Variants in ITGA1 observed in about 807,000 individuals in gnomAD.
ITGA1 encodes integrin alpha-1.
ITGA1 carries 85 observed loss-of-function variants against 145.9 expected under a neutral mutation model. That is an observed-to-expected ratio of 0.58 (90% CI 0.49 to 0.70). The LOEUF is 0.70. ITGA1 is among the 30% of genes least tolerant of loss of function. The pLI, the probability that ITGA1 is intolerant of heterozygous loss-of-function variation, is 0.00. For synonymous variants in ITGA1, 520 were observed against 495.3 expected (o/e 1.05, Z -0.66); for missense variants, 1,351 against 1,418.7 (o/e 0.95, Z 0.77).
chr5:52,925,390 T>A lies in ITGA1; in HGVS notation c.2516T>A (p.Phe839Tyr), dbSNP rs146428445. 65 of 1,613,964 alleles carry A rather than the reference T, an allele frequency of 4.0e-5. No homozygotes were observed. The African/African-American group carries it at 8.3e-4, about 21-fold the overall frequency. ...ATTGTCCGATCCCAGAATGATAAGT[T>A]CAACGTTAGCCTCACAGTCAAAAAT... Reference protein sequence around the residue: ...LLIVRSQNDKFNVSLTVKNTK... With the variant: ...LLIVRSQNDKYNVSLTVKNTK... The change falls in exon 19 of 29, where the codon TTC becomes TAC. Residue 839 changes from phenylalanine (F) to tyrosine (Y), a missense_variant. Transcript: ENST00000282588.
intron 8 of ITGA1, among the ~76,000 whole-genome samples, chr5:52,893,018 C>T (rs893337013): frequency 4.0e-5 from 6 of 151,666 alleles, no homozygotes; most frequent in Non-Finnish European, 8.8e-5. Context: ...TAAAAAAAAA[C>T]TAAATGTTTG....
At position 52,796,914 on chromosome 5, in the gene ITGA1, T is replaced by G. The variant is rs1057470409; in HGVS notation, c.61+8500T>G. The stretch of plus-strand genomic sequence containing the variant: ...GACATTTTAAACAGAGAAGTTAGTA[T>G]GAGTTAAGGTAGCAAACGAGAAAGT... On this transcript the variant is annotated intron_variant, in intron 1 of 28. Transcript: ENST00000282588. Among the ~76,000 whole-genome samples the G allele has an allele frequency of 7.2e-5, 11 of 152,174 alleles. No individual in the cohort carries two copies. The South Asian group carries it at 1.0e-3, about 14-fold the overall frequency.
At chr5:52,923,575 A>T (rs1314349616) in intron 18 of ITGA1, among the ~76,000 whole-genome samples, 2 of 152,224 alleles carry the variant, frequency 1.3e-5, no homozygotes, top group Non-Finnish European at 2.9e-5. Context: ...AACATTAGGA[A>T]AAAGCTTGAA....
intron 28 of ITGA1, among the ~76,000 whole-genome samples, chr5:52,948,262 CAAAT>C (rs1355747123): frequency 6.6e-6 from 1 of 152,038 alleles, no homozygotes; most frequent in Non-Finnish European, 1.5e-5. Context: ...AATTAAATAT[CAAAT>C]AAGCATTTAT....
At chr5:52,793,758 T>G (rs972429146) in intron 1 of ITGA1, among the ~76,000 whole-genome samples, 3 of 152,034 alleles carry the variant, frequency 2.0e-5, no homozygotes, top group African/African-American at 7.2e-5. Context: ...ATTGCTCCTC[T>G]GGCACCAACA....
At chr5:52,888,052 A>T in intron 8 of ITGA1, 87 bp downstream of exon 8, 2 of 1,368,416 alleles carry the variant, frequency 1.5e-6, no homozygotes, top group Non-Finnish European at 2.0e-6. Flanking sequence ...AAGTCACACA[A>T]ACCAGGTTGG....
chr5:52,853,125 T>C (rs1749454428), intron 2 of ITGA1, among the ~76,000 whole-genome samples: 1 of 152,210 alleles, frequency 6.6e-6, no homozygotes, highest in Non-Finnish European at 1.5e-5. Context: ...ACATTTATTA[T>C]TTACAATGAT....
chr5:52,910,460 A>G, intron 14 of ITGA1, 41 bp downstream of exon 14: 1 of 1,589,878 alleles, frequency 6.3e-7, no homozygotes, highest in East Asian at 2.3e-5. Context: ...TTCAGTGATA[A>G]GTCGGTTCAA....
At chr5:52,810,360 A>G (rs6877349) in intron 1 of ITGA1, among the ~76,000 whole-genome samples, 2 of 152,006 alleles carry the variant, frequency 1.3e-5, no homozygotes, top group South Asian at 4.1e-4. Flanking sequence ...TTCTATTTTT[A>G]TATTCAACAT....
rs185529740 is a variant in ITGA1 at position 52,897,094 on chromosome 5, T to A, written c.1091-361T>A. Among the ~76,000 whole-genome samples, 117 of 152,238 alleles carry A rather than the reference T, an allele frequency of 7.7e-4. 1 individual carries two copies. The highest frequency in any genetic ancestry group is 2.6e-3 in the African/African-American group (110 of 41,560). On this transcript the variant is annotated intron_variant, in intron 9 of 28. Coordinates refer to ENST00000282588, the MANE Select transcript of ITGA1 (RefSeq NM_181501.2). Reference sequence around the variant, plus strand: ...AGGGCTCAGCAGGGTTCCCAAGGCATGAATTTGGACAGGAATTTCCTACTG... The same window carrying A: ...AGGGCTCAGCAGGGTTCCCAAGGCAAGAATTTGGACAGGAATTTCCTACTG...
intron 11 of ITGA1, among the ~76,000 whole-genome samples, chr5:52,900,532 A>C (rs895700365): frequency 6.6e-6 from 1 of 152,170 alleles, no homozygotes; most frequent in African/African-American, 2.4e-5. Flanking sequence ...AATGCCCGAA[A>C]ATATGCAGGT....
intron 11 of ITGA1, chr5:52,903,774 A>T (rs887900573): frequency 1.3e-5 from 2 of 152,214 alleles, no homozygotes; most frequent in Non-Finnish European, 2.9e-5. Flanking sequence ...CAAAATCTGC[A>T]TGTGGCAATT....
In ITGA1 at chr5:52,925,444, C is replaced by A. The variant is rs913876165; in HGVS notation, c.2570C>A (p.Thr857Lys). The change falls in exon 19 of 29, where the codon ACA (threonine) becomes AAA (lysine). Residue 857 changes from threonine (T) to lysine (K), a missense_variant. By Grantham distance (78) the Thr-to-Lys change is moderately conservative. Transcript: ENST00000282588. ...AAGGACAGTGCCTATAACACCAGGA[C>A]AATAGTGCATTATTCTCCAAATCTA... is the stretch of plus-strand genomic sequence containing the variant. Reference protein sequence around the residue: ...NTKDSAYNTRTIVHYSPNLVF... With the variant: ...NTKDSAYNTRKIVHYSPNLVF... 1 of 1,613,956 alleles carries A rather than the reference C, an allele frequency of 6.2e-7. No homozygotes were observed. The highest frequency in any genetic ancestry group is 1.7e-5 in the Admixed American group (1 of 60,018).
chr5:52,856,941 C>G (rs977957682), intron 2 of ITGA1, among the ~76,000 whole-genome samples: 1 of 152,140 alleles, frequency 6.6e-6, no homozygotes, highest in Admixed American at 6.5e-5. Context: ...TTCATGCTGT[C>G]AGCTAAAGCA....
chr5:52,931,865 C>T, intron 21 of ITGA1, 182 bp from the exon 22 acceptor site: 2 of 468,776 alleles, frequency 4.3e-6, no homozygotes, highest in Non-Finnish European at 7.5e-6. Flanking sequence ...AACTTGGGAA[C>T]TTTCAACCAT....
chr5:52,850,964 GC>G, intron 2 of ITGA1, among the ~76,000 whole-genome samples: 1 of 152,292 alleles, frequency 6.6e-6, no homozygotes, highest in African/African-American at 2.4e-5. Flanking sequence ...TTGTGCGTAA[GC>G]TATAATAAAC....
chr5:52,918,613 T>C (rs889349793), intron 15 of ITGA1, 119 bp from the exon 16 acceptor site: 3 of 812,062 alleles, frequency 3.7e-6, no homozygotes, highest in African/African-American at 1.8e-5. Context: ...AATGGAGTCC[T>C]GAGCGCTGTA....
intron 26 of ITGA1, among the ~76,000 whole-genome samples, chr5:52,944,476 A>T (rs1481171467): frequency 1.3e-5 from 2 of 152,064 alleles, no homozygotes; most frequent in African/African-American, 4.8e-5. Flanking sequence ...TAGAGATCAG[A>T]TCTGCCCAAA....
chr5:52,912,738 G>A (rs201831628), intron 14 of ITGA1, among the ~76,000 whole-genome samples: 13,161 of 111,102 alleles, frequency 0.12, 884 homozygotes, highest in Admixed American at 0.21. Context: ...GTGTGTGTGT[G>A]TGTATATATA....
Sources: allele counts gnomAD v4.1 joint callset (sites outside exome capture counted in the v4.1 genomes callset), GRCh38; gene constraint gnomAD v4.1.1; transcripts MANE v1.5; gene names NCBI Gene and HGNC (gene_info 2026-07-23, HGNC 2026-07-21).